KLC4: variants seen among roughly 807,000 people sequenced by gnomAD.
The protein encoded by KLC4 is kinesin-like protein 8.
A neutral mutation model predicts 77.2 loss-of-function variants in KLC4; 49 were observed. That is an observed-to-expected ratio of 0.63 (90% CI 0.50 to 0.80). The LOEUF is 0.80. KLC4 is among the 30% of genes least tolerant of loss of function. The pLI is 0.00. For synonymous variants in KLC4, 274 were observed against 314.5 expected, an observed-to-expected ratio of 0.87 and a Z score of 1.36; for missense variants, 669 against 793.5, an observed-to-expected ratio of 0.84 and a Z score of 1.89.
chr6:43,067,926 A>G (rs1378183093), intron 6 of KLC4, among the ~76,000 whole-genome samples: 1 of 102,242 alleles, frequency 9.8e-6, no homozygotes, highest in Non-Finnish European at 1.8e-5. Flanking sequence ...TCCTGGCTAA[A>G]ACGGTGAAAC....
At chr6:43,074,012 C>G (rs779382282) in intron 15 of KLC4, 47 bp downstream of exon 15, 24 of 1,474,876 alleles carry the variant, frequency 1.6e-5, no homozygotes, top group Non-Finnish European at 2.0e-5. Context: ...GAAAAAAGGA[C>G]AGCCAGTGAG....
chr6:43,067,101 T>TCCCCCCCCCCCCCCCCCCCCCCCCC lies in KLC4; in HGVS notation c.879+22_879+23insCCCCCCCCCCCCCCCCCCCCCCCCC. 1 of 1,584,710 alleles carries TCCCCCCCCCCCCCCCCCCCCCCCCC rather than the reference T, an allele frequency of 6.3e-7. No individual in the cohort carries two copies. Among genetic ancestry groups the TCCCCCCCCCCCCCCCCCCCCCCCCC allele is most frequent in the Non-Finnish European group, 8.7e-7 (1 of 1,155,626 alleles). ...ATCCTGCTGTCAGTATTCCTTGCCC[T>TCCCCCCCCCCCCCCCCCCCCCCCCC]CCCCACCCCACGCCCCGCACCCCCC... On this transcript the variant is annotated intron_variant, in intron 6 of 15. Transcript: ENST00000347162.
chr6:43,063,728 A>AT, intron 3 of KLC4, among the ~76,000 whole-genome samples: 1 of 149,568 alleles, frequency 6.7e-6, no homozygotes, highest in South Asian at 2.1e-4. Context: ...TAATTTTTGT[A>AT]TTTTTACTAG....
At chr6:43,073,085 A>G in intron 13 of KLC4, 121 bp downstream of exon 13, 1 of 1,377,956 alleles carries the variant, frequency 7.3e-7, no homozygotes, top group South Asian at 1.4e-5. Flanking sequence ...TCTGGGAGCC[A>G]GTTTTTGACA....
chr6:43,070,325 G>A (rs869069), intron 6 of KLC4, 29 bp from the exon 7 acceptor site: 20,183 of 1,550,004 alleles, frequency 0.013, 191 homozygotes, highest in African/African-American at 0.036. Context: ...CAACCCAAAT[G>A]TCTGATGGGG....
intron 1 of KLC4, chr6:43,060,366 A>C: frequency 7.1e-7 from 1 of 1,400,388 alleles, no homozygotes; most frequent in Non-Finnish European, 9.6e-7. Flanking sequence ...GGCTTGGGGA[A>C]GGAGACGGGA....
At chr6:43,066,807 C>G (rs1765455497) in intron 5 of KLC4, among the ~76,000 whole-genome samples, 189 bp from the exon 6 acceptor site, 1 of 152,190 alleles carries the variant, frequency 6.6e-6, no homozygotes, top group South Asian at 2.1e-4. Context: ...GTGGCCTCCT[C>G]TTGGGATGGC....
intron 1 of KLC4, chr6:43,060,704 G>A: frequency 1.1e-6 from 1 of 878,570 alleles, no homozygotes; most frequent in Non-Finnish European, 1.4e-6. Flanking sequence ...AGGTTAGTGG[G>A]AAAATATGCA....
intron 8 of KLC4, 66 bp from the exon 9 acceptor site, chr6:43,071,200 TAAAAAAAAA>T: frequency 1.6e-6 from 1 of 644,518 alleles, no homozygotes; most frequent in East Asian, 2.9e-5. Flanking sequence ...AGACCTTGTC[TAAAAAAAAA>T]AAAAAAAAAA....
intron 4 of KLC4, 152 bp from the exon 5 acceptor site, chr6:43,066,154 T>G: frequency 1.5e-6 from 1 of 668,120 alleles, no homozygotes; most frequent in Non-Finnish European, 2.7e-6. Context: ...GTCAAGGGAG[T>G]GGATAAAAGA....
rs533973743 is a variant in KLC4 at position 43,075,053 on chromosome 6, A to C, written c.*381A>C. 7.1e-4 allele frequency: 158 copies of C among 223,112 alleles called. 3 individuals carry two copies. In the Admixed American group the frequency reaches 7.6e-3, roughly 11 times the overall value. The allele number at this position is 223,112 out of a possible 1,614,324, so 13.8% of individuals were successfully genotyped here. On this transcript the variant is annotated 3_prime_UTR_variant, in exon 16 of 16. Coordinates refer to ENST00000347162, the MANE Select transcript of KLC4 (RefSeq NM_201521.3). ...CCCTCTGCTGTCTCACTTCAGGTCC[A>C]TGTATTTCACTTTTCTTAAATAAAA... is the stretch of plus-strand genomic sequence containing the variant.
intron 6 of KLC4, 180 bp downstream of exon 6, chr6:43,067,263 G>T: frequency 7.8e-7 from 1 of 1,281,362 alleles, no homozygotes; most frequent in Non-Finnish European, 1.0e-6. Flanking sequence ...TCAATTCTCT[G>T]AGACTCAGTG....
chr6:43,059,889 T>C, intron 1 of KLC4: 1 of 1,216,808 alleles, frequency 8.2e-7, no homozygotes, highest in Non-Finnish European at 1.0e-6. Flanking sequence ...CGCCACCGAC[T>C]GACTCAGTGA....
At chr6:43,069,520 CA>C (rs1765618487) in intron 6 of KLC4, among the ~76,000 whole-genome samples, 1 of 152,138 alleles carries the variant, frequency 6.6e-6, no homozygotes, top group Admixed American at 6.5e-5. Flanking sequence ...GCTGGGATTA[CA>C]GGTGTGAGCC....
chr6:43,063,801 G>T (rs371767050), intron 3 of KLC4, among the ~76,000 whole-genome samples: 1 of 151,958 alleles, frequency 6.6e-6, no homozygotes, highest in East Asian at 1.9e-4. Context: ...TGGTCTGCCC[G>T]CCTGGGCCTC....
At chr6:43,065,878 A>G (rs889229562) in intron 4 of KLC4, among the ~76,000 whole-genome samples, 177 bp downstream of exon 4, 4 of 152,214 alleles carry the variant, frequency 2.6e-5, no homozygotes, top group Admixed American at 2.0e-4. Flanking sequence ...TTGAACGAAC[A>G]TGTATTAAGC....
At chr6:43,073,669 A>T (rs1765839878) in intron 14 of KLC4, 2 of 570,154 alleles carry the variant, frequency 3.5e-6, no homozygotes, top group Admixed American at 6.7e-5. Context: ...GAAAAAAAAA[A>T]AAGATATGGT....
chr6:43,060,345 T>C, intron 1 of KLC4: 1 of 1,580,924 alleles, frequency 6.3e-7, no homozygotes, highest in Non-Finnish European at 8.6e-7. Context: ...AGGCCTGCAA[T>C]GAGGGAGGCT....
intron 3 of KLC4, 190 bp from the exon 4 acceptor site, chr6:43,065,430 A>C: frequency 1.9e-6 from 1 of 532,184 alleles, no homozygotes; most frequent in Non-Finnish European, 3.4e-6. Flanking sequence ...TGTCCAAAGC[A>C]TCTCTGGCTG....
Sources: allele counts gnomAD v4.1 joint callset (sites outside exome capture counted in the v4.1 genomes callset), GRCh38; gene constraint gnomAD v4.1.1; transcripts MANE v1.5; gene names NCBI Gene and HGNC (gene_info 2026-07-23, HGNC 2026-07-21).